MYCBP2: variants seen among roughly 807,000 people sequenced by gnomAD.
MYCBP2 encodes the protein MYC binding protein 2.
In MYCBP2, 120 loss-of-function variants were observed where a neutral mutation model predicts 525.3. The ratio of observed to expected loss-of-function variants is 0.23; its 90% CI spans 0.20 to 0.27. The LOEUF (loss-of-function observed/expected upper bound fraction) is 0.27. Among genes scored for constraint, MYCBP2 ranks in the 10% least tolerant of loss-of-function variants. The pLI is 1.00. For synonymous variants in MYCBP2, 1,894 were observed against 1,955.8 expected (o/e 0.97, Z 0.83); for missense variants, 4,149 against 5,657.1 (o/e 0.73, Z 8.55).
intron 69 of MYCBP2, among the ~76,000 whole-genome samples, chr13:77,069,958 A>G (rs1330772162): frequency 6.6e-6 from 1 of 152,146 alleles, no homozygotes; most frequent in African/African-American, 2.4e-5. Context: ...GTAGCACCCC[A>G]TTATATGAAC....
intron 35 of MYCBP2, 22 bp from the exon 36 acceptor site, chr13:77,176,650 C>T: frequency 6.8e-7 from 1 of 1,470,396 alleles, no homozygotes; most frequent in Middle Eastern, 1.8e-4. Flanking sequence ...AAATGAAACA[C>T]AAAAATTCCA....
Position 77,264,120 on chromosome 13 carries a change from G to C in MYCBP2, c.1358-118C>G, listed in dbSNP as rs1001391329. On this transcript the variant is annotated intron_variant, in intron 8 of 82. Transcript: ENST00000544440. ...CACGCAATAAGGATAAACTCAAAAG[G>C]AGACTGTGCTTTTTAATAAAGAATT... 1.3e-5 allele frequency: 8 copies of C among 622,120 alleles called. No individual in the cohort carries two copies. In the African/African-American group the frequency reaches 1.5e-4, roughly 12 times the overall value. The allele number at this position is 622,120 out of a possible 1,614,324, so 38.5% of individuals were successfully genotyped here.
intron 82 of MYCBP2, among the ~76,000 whole-genome samples, chr13:77,049,595 C>G (rs1049091811): frequency 2.0e-5 from 3 of 151,822 alleles, no homozygotes; most frequent in African/African-American, 7.3e-5. Context: ...ACTAGATAGT[C>G]TCATTTTCCC....
chr13:77,212,768 T>C (rs1006526089), intron 21 of MYCBP2, among the ~76,000 whole-genome samples: 4 of 152,328 alleles, frequency 2.6e-5, no homozygotes, highest in Admixed American at 2.6e-4. Flanking sequence ...AGTTTAAAAG[T>C]ATGGCTCTCT....
At chr13:77,203,997 T>A (rs1413302629) in intron 26 of MYCBP2, among the ~76,000 whole-genome samples, 205 of 151,862 alleles carry the variant, frequency 1.3e-3, no homozygotes, top group African/African-American at 4.2e-3. Context: ...CAAGGACTTC[T>A]TGTCTAAAAC....
intron 55 of MYCBP2, chr13:77,099,837 T>G (rs2046798126): frequency 6.6e-6 from 1 of 152,086 alleles, no homozygotes; most frequent in Non-Finnish European, 1.5e-5. Flanking sequence ...GGCAAAGCAT[T>G]AGATGTTTCT....
chr13:77,059,469 A>G (rs2038867151), intron 77 of MYCBP2, 54 bp downstream of exon 77: 9 of 1,273,892 alleles, frequency 7.1e-6, no homozygotes, highest in South Asian at 1.2e-5. Flanking sequence ...TATGAAGTAA[A>G]GGTGTCACAG....
rs71102724 is a variant in MYCBP2, at chr13:77,176,630, T to TAAA, written c.5341-5_5341-3dup. 12 of 1,163,138 alleles carry TAAA rather than the reference T, an allele frequency of 1.0e-5. No individual in the cohort carries two copies. Among genetic ancestry groups the TAAA allele is most frequent in the South Asian group, 9.7e-5 (5 of 51,432 alleles). 72.1% of individuals were successfully genotyped at this position (1,163,138 alleles called of 1,614,324 possible). Reference sequence around the variant, plus strand: ...AGTTGAATCTCCTGCATGTTCACTCTAAAAAAAAAAAATGAAACACAAAAA... The same window carrying TAAA: ...AGTTGAATCTCCTGCATGTTCACTCTAAAAAAAAAAAAAAATGAAACACAAAAA... On this transcript the variant is annotated splice_region_variant and splice_polypyrimidine_tract_variant and intron_variant, in intron 35 of 82. Transcript: ENST00000544440.
At chr13:77,158,893 T>G (rs931197513) in intron 44 of MYCBP2, among the ~76,000 whole-genome samples, 1 of 152,210 alleles carries the variant, frequency 6.6e-6, no homozygotes, top group Admixed American at 6.5e-5. Context: ...TTAGCCTGCC[T>G]AAGCCTTACT....
chr13:77,154,872 A>AG (rs2057021116), intron 46 of MYCBP2, among the ~76,000 whole-genome samples: 1 of 152,068 alleles, frequency 6.6e-6, no homozygotes, highest in Non-Finnish European at 1.5e-5. Flanking sequence ...AATTCCAAGT[A>AG]GGCATGAACT....
intron 33 of MYCBP2, among the ~76,000 whole-genome samples, chr13:77,180,916 T>G (rs1214273243): frequency 4.6e-5 from 7 of 152,204 alleles, no homozygotes; most frequent in African/African-American, 1.7e-4. Flanking sequence ...TGAGCTAGTC[T>G]TAAAAAACAA....
At chr13:77,144,040 G>A (rs1286045928) in intron 49 of MYCBP2, 1 of 192,422 alleles carries the variant, frequency 5.2e-6, no homozygotes, top group Non-Finnish European at 1.1e-5. Flanking sequence ...ATTTAAAAAT[G>A]CATTCATTCA....
intron 53 of MYCBP2, 78 bp downstream of exon 53, chr13:77,126,240 A>AAG (rs1566625858): frequency 8.1e-6 from 10 of 1,239,184 alleles, no homozygotes; most frequent in Non-Finnish European, 1.1e-5. Context: ...AGAAATGGCA[A>AAG]CCTTTAGAAG....
At chr13:77,265,706 A>C (rs2073971372) in intron 8 of MYCBP2, among the ~76,000 whole-genome samples, 2 of 152,170 alleles carry the variant, frequency 1.3e-5, no homozygotes, top group Non-Finnish European at 2.9e-5. Flanking sequence ...ATTCCTACCC[A>C]CGAAAAACAA....
intron 26 of MYCBP2, 48 bp from the exon 27 acceptor site, chr13:77,194,292 T>A (rs775800344): frequency 7.6e-7 from 1 of 1,321,232 alleles, no homozygotes; most frequent in Non-Finnish European, 1.1e-6. Flanking sequence ...GCTATACATA[T>A]CTGATGAACA....
At position 77,165,206 on chromosome 13, in the gene MYCBP2, A is replaced by G. The variant is rs1595052944; in HGVS notation, c.6459+67T>C. On this transcript the variant is annotated intron_variant, in intron 42 of 82. Coordinates refer to ENST00000544440, the MANE Select transcript of MYCBP2 (RefSeq NM_015057.5). ...AACAGTACAATTTAAGTCAGTTAGA[A>G]GCACAACTCACTAGCCCTTAGAAAC... 6.6e-6 allele frequency: 9 copies of G among 1,358,112 alleles called. No homozygotes were observed. The East Asian group carries it at 9.2e-5, about 14-fold the overall frequency. The allele number at this position is 1,358,112 out of a possible 1,614,324, so 84.1% of individuals were successfully genotyped here. A position where few individuals can be genotyped will look rare whatever the true frequency, so the allele number is the denominator to read the frequency against.
At chr13:77,214,799 C>T (rs1205651757) in intron 21 of MYCBP2, among the ~76,000 whole-genome samples, 1 of 152,040 alleles carries the variant, frequency 6.6e-6, no homozygotes, top group East Asian at 1.9e-4. Flanking sequence ...CAACTGTAAC[C>T]CATTAGTAAG....
chr13:77,213,020 AAACT>A (rs747736967), intron 21 of MYCBP2, among the ~76,000 whole-genome samples: 62 of 152,280 alleles, frequency 4.1e-4, no homozygotes, highest in African/African-American at 1.3e-3. Flanking sequence ...ACACAGCCAC[AAACT>A]AACTGTGGAA....
intron 3 of MYCBP2, among the ~76,000 whole-genome samples, chr13:77,282,134 G>A (rs191043767): frequency 1.1e-4 from 17 of 152,224 alleles, no homozygotes; most frequent in East Asian, 9.6e-4. Flanking sequence ...TGTGAGGCCG[G>A]GTGTGGTAGC....
Sources: allele counts gnomAD v4.1 joint callset (sites outside exome capture counted in the v4.1 genomes callset), GRCh38; gene constraint gnomAD v4.1.1; transcripts MANE v1.5; gene names NCBI Gene and HGNC (gene_info 2026-07-23, HGNC 2026-07-21).